Variants in PTPRM observed in about 807,000 individuals in gnomAD.
PTPRM encodes protein tyrosine phosphatase receptor type M, also known as receptor-type tyrosine-protein phosphatase mu.
In PTPRM, 47 loss-of-function variants were observed where a neutral mutation model predicts 186.7. The observed-to-expected ratio is 0.25, with a 90% CI of 0.20 to 0.32. The LOEUF (loss-of-function observed/expected upper bound fraction) is 0.32, where lower values mean the gene tolerates loss of function less well. Ranked by LOEUF, PTPRM falls within the 10% of genes least tolerant of loss-of-function variation. The probability of loss-of-function intolerance (pLI) is 1.00; values close to 1 mark genes in which losing one functional copy is unlikely to be tolerated. For synonymous variants in PTPRM, 668 were observed against 674.9 expected, an observed-to-expected ratio of 0.99 and a Z score of 0.16; for missense variants, 1,494 against 1,865.0, an observed-to-expected ratio of 0.80 and a Z score of 3.66.
chr18:8,315,994 C>A (rs971387281), intron 21 of PTPRM, among the ~76,000 whole-genome samples: 1 of 152,164 alleles, frequency 6.6e-6, no homozygotes, highest in Admixed American at 6.5e-5. Flanking sequence ...TCATAAGGTG[C>A]ATTGCACTTA....
chr18:8,229,823 TTATA>T (rs962462745), intron 14 of PTPRM, among the ~76,000 whole-genome samples: 1 of 152,218 alleles, frequency 6.6e-6, no homozygotes, highest in South Asian at 2.1e-4. Context: ...GTACACATGG[TTATA>T]TATATATGTG....
chr18:7,856,474 G>C (rs967906565), intron 2 of PTPRM, among the ~76,000 whole-genome samples: 1 of 152,154 alleles, frequency 6.6e-6, no homozygotes, highest in Admixed American at 6.5e-5. Flanking sequence ...GGGTGCCATG[G>C]CTCATGCCTA....
intron 1 of PTPRM, chr18:7,755,433 G>A (rs1444991344): frequency 6.6e-6 from 1 of 152,242 alleles, no homozygotes. Flanking sequence ...CAGCCTTTTG[G>A]GGTATGGATA....
intron 2 of PTPRM, among the ~76,000 whole-genome samples, chr18:7,826,231 A>G (rs1019117584): frequency 5.9e-5 from 9 of 152,208 alleles, no homozygotes; most frequent in African/African-American, 1.9e-4. Flanking sequence ...CTTCATCTCC[A>G]TATGTGAGAT....
chr18:8,142,998 A>G (rs954820936), intron 13 of PTPRM, among the ~76,000 whole-genome samples: 1 of 152,192 alleles, frequency 6.6e-6, no homozygotes, highest in Non-Finnish European at 1.5e-5. Context: ...TATCTCATTT[A>G]AACAGATTTT....
chr18:8,074,797 G>C (rs529579736), intron 8 of PTPRM, among the ~76,000 whole-genome samples: 241 of 152,170 alleles, frequency 1.6e-3, no homozygotes, highest in African/African-American at 5.4e-3. Context: ...TTACAGTCTA[G>C]ATACAAATCT....
chr18:7,946,308 A>G (rs1055336082), intron 5 of PTPRM, among the ~76,000 whole-genome samples: 10 of 152,224 alleles, frequency 6.6e-5, no homozygotes, highest in Non-Finnish European at 1.3e-4. Flanking sequence ...AGATTATTAC[A>G]AAAGGATATT....
intron 22 of PTPRM, among the ~76,000 whole-genome samples, chr18:8,332,014 G>C (rs1444610333): frequency 1.3e-5 from 2 of 152,182 alleles, no homozygotes; most frequent in African/African-American, 2.4e-5. Flanking sequence ...TTCCTAACAG[G>C]CTTCATTGAA....
At chr18:8,353,120 A>G (rs562853625) in intron 23 of PTPRM, among the ~76,000 whole-genome samples, 4 of 152,230 alleles carry the variant, frequency 2.6e-5, no homozygotes, top group East Asian at 1.9e-4. Flanking sequence ...CTTCAGCAGC[A>G]TAAGGAAGGG....
At chr18:7,934,826 G>A (rs1176209536) in intron 5 of PTPRM, among the ~76,000 whole-genome samples, 3 of 152,118 alleles carry the variant, frequency 2.0e-5, no homozygotes, top group Non-Finnish European at 2.9e-5. Context: ...ATGTTGTATC[G>A]TAACCATAAT....
intron 7 of PTPRM, among the ~76,000 whole-genome samples, chr18:8,022,310 G>A (rs969494511): frequency 1.3e-5 from 2 of 152,146 alleles, no homozygotes; most frequent in Non-Finnish European, 1.5e-5. Context: ...TGGCGCTTAT[G>A]TTGCTCTTGA....
rs564592396 is a variant in PTPRM, at chr18:8,368,055, A to G, written c.3055-2835A>G. ...AAATAAATGAATTTTTAAAGTGTAT[A>G]TTTATTCATCAATAATTATTTTTAA... On this transcript the variant is annotated intron_variant, in intron 23 of 32. Transcript: ENST00000580170. Among the ~76,000 whole-genome samples, 12 of 152,140 alleles carry G rather than the reference A, an allele frequency of 7.9e-5. No homozygotes were observed. In the East Asian group the frequency reaches 9.7e-4, roughly 12 times the overall value.
intron 2 of PTPRM, among the ~76,000 whole-genome samples, chr18:7,843,281 C>T (rs554411137): frequency 6.6e-6 from 1 of 152,184 alleles, no homozygotes; most frequent in South Asian, 2.1e-4. Context: ...ATTCAACTGG[C>T]CCTGTCTCTC....
rs778597650 is a variant in PTPRM, at chr18:7,949,347, T to G, written c.830T>G (p.Val277Gly). Residue 277 changes from valine to glycine, a missense_variant, in exon 6 of 33, where the codon GTA becomes GGA. Coordinates refer to ENST00000580170, the MANE Select transcript of PTPRM (RefSeq NM_001105244.2). Reference protein sequence around the residue: ...GVGISNYAELVVKEPPVPIAP... With the variant: ...GVGISNYAELGVKEPPVPIAP... ...GGAATATCAAACTATGCAGAGTTGG[T>G]AGTTAAAGGTATTTAATGTGTTTTT... The G allele has an allele frequency of 3.7e-6, 6 of 1,611,098 alleles. No homozygotes were observed. In the South Asian group the frequency reaches 6.6e-5, roughly 18 times the overall value.
At chr18:7,682,484 G>T (rs11665353) in intron 1 of PTPRM, among the ~76,000 whole-genome samples, 1 of 152,194 alleles carries the variant, frequency 6.6e-6, no homozygotes, top group Non-Finnish European at 1.5e-5. Flanking sequence ...ACTTTTATTA[G>T]GTTACACCTG....
intron 1 of PTPRM, among the ~76,000 whole-genome samples, chr18:7,644,836 A>T (rs1409133623): frequency 6.6e-6 from 1 of 152,140 alleles, no homozygotes; most frequent in Non-Finnish European, 1.5e-5. Flanking sequence ...GTAGAAGATG[A>T]TATACGCTTA....
chr18:8,152,661 C>T (rs2093034890), intron 14 of PTPRM, among the ~76,000 whole-genome samples: 1 of 151,112 alleles, frequency 6.6e-6, no homozygotes, highest in African/African-American at 2.4e-5. Flanking sequence ...CCTTTTTCCT[C>T]CATATTTCCC....
At chr18:7,934,278 T>C (rs2051664307) in intron 5 of PTPRM, among the ~76,000 whole-genome samples, 1 of 152,096 alleles carries the variant, frequency 6.6e-6, no homozygotes, top group Non-Finnish European at 1.5e-5. Context: ...TTACTTAGAG[T>C]TAACAGTTTT....
rs71165762 is a variant in PTPRM, at chr18:7,994,265, A to AACACAC, written c.1132+38878_1132+38883dup. ...ATCAATTCAGCAAGAGGATATAAAT[A>AACACAC]ACACACACACACACACACACACACA... On this transcript the variant is annotated intron_variant, in intron 7 of 32. Transcript: ENST00000580170. 5.8e-3 allele frequency among the ~76,000 whole-genome samples: 862 copies of AACACAC among 149,004 alleles called. 5 individuals carry two copies. The highest frequency in any genetic ancestry group is 0.02 in the African/African-American group (808 of 40,630).
Sources: gnomAD v4.1 joint callset for allele counts (sites outside exome capture counted in the v4.1 genomes callset) on GRCh38, gnomAD v4.1.1 for gene constraint, MANE v1.5 for transcripts, NCBI Gene and HGNC (gene_info 2026-07-23, HGNC 2026-07-21) for gene names.